Variants in RCAN2 observed in about 807,000 individuals in gnomAD.
The protein encoded by RCAN2 is regulator of calcineurin 2.
In RCAN2, 9 loss-of-function variants were observed where a neutral mutation model predicts 23.6. The observed-to-expected ratio is 0.38, with a 90% CI of 0.23 to 0.67. The LOEUF is 0.67. Among genes scored for constraint, RCAN2 ranks in the 30% least tolerant of loss-of-function variants. RCAN2 has a pLI of 0.51. For missense variants in RCAN2, 273 were observed against 302.3 expected, an observed-to-expected ratio of 0.90 and a Z score of 0.72; for synonymous variants, 109 against 115.7, an observed-to-expected ratio of 0.94 and a Z score of 0.37.
At chr6:46,251,473 T>A (rs1412979027) in intron 2 of RCAN2, among the ~76,000 whole-genome samples, 1 of 152,120 alleles carries the variant, frequency 6.6e-6, no homozygotes, top group African/African-American at 2.4e-5. Flanking sequence ...AATCCTTGGG[T>A]CTTCTTTGTG....
rs144366128 is a variant in RCAN2, at chr6:46,264,963, C to T, written c.226-16067G>A. On this transcript the variant is annotated intron_variant, in intron 2 of 4. Coordinates refer to ENST00000371374, the MANE Select transcript of RCAN2 (RefSeq NM_001251974.2). ...AACGATCTGCCTAAGGTGGTCAGCTCGTCAGTGACAGAATGCAGATTTCAT... is the reference window on the plus strand; with the variant it reads ...AACGATCTGCCTAAGGTGGTCAGCTTGTCAGTGACAGAATGCAGATTTCAT... Among the ~76,000 whole-genome samples the T allele has an allele frequency of 2.9e-3, 445 of 152,298 alleles. 4 individuals are homozygous for T. The highest frequency in any genetic ancestry group is 9.9e-3 in the African/African-American group (413 of 41,556).
intron 2 of RCAN2, among the ~76,000 whole-genome samples, chr6:46,420,544 CTTT>C (rs965214233): frequency 2.9e-5 from 4 of 138,522 alleles, no homozygotes; most frequent in Admixed American, 7.3e-5. Flanking sequence ...TTCTGATTAA[CTTT>C]TTTTTTTTTT....
At chr6:46,383,122 ACAT>A (rs1373833696) in intron 2 of RCAN2, among the ~76,000 whole-genome samples, 2 of 151,954 alleles carry the variant, frequency 1.3e-5, no homozygotes, top group Non-Finnish European at 2.9e-5. Context: ...TAGAGATAAA[ACAT>A]CAGGAGAGTT....
intron 2 of RCAN2, among the ~76,000 whole-genome samples, chr6:46,269,921 G>A (rs898160535): frequency 6.6e-6 from 1 of 152,178 alleles, no homozygotes; most frequent in Non-Finnish European, 1.5e-5. Context: ...GTCACAGGTC[G>A]AGAGCTATCC....
intron 2 of RCAN2, among the ~76,000 whole-genome samples, chr6:46,412,310 T>TC (rs2150408317): frequency 6.6e-6 from 1 of 152,308 alleles, no homozygotes; most frequent in Non-Finnish European, 1.5e-5. Context: ...GTCTGTTTTG[T>TC]CCTTATTAAG....
chr6:46,243,058 A>G (rs1399688498), intron 4 of RCAN2, among the ~76,000 whole-genome samples: 1 of 152,200 alleles, frequency 6.6e-6, no homozygotes, highest in African/African-American at 2.4e-5. Flanking sequence ...AAGTGACAGG[A>G]GGAGACTGAA....
intron 2 of RCAN2, among the ~76,000 whole-genome samples, chr6:46,411,239 C>T (rs1766542673): frequency 6.6e-6 from 1 of 152,152 alleles, no homozygotes; most frequent in Non-Finnish European, 1.5e-5. Flanking sequence ...ACCCTGAAGA[C>T]ATTATGCTAA....
chr6:46,474,632 A>C (rs1378651975), intron 1 of RCAN2, among the ~76,000 whole-genome samples: 1 of 151,834 alleles, frequency 6.6e-6, no homozygotes, highest in Non-Finnish European at 1.5e-5. Context: ...ATTAGGAAAA[A>C]CCTCCTCACA....
intron 2 of RCAN2, among the ~76,000 whole-genome samples, chr6:46,449,994 C>T (rs1341277926): frequency 6.6e-6 from 1 of 151,668 alleles, no homozygotes; most frequent in Non-Finnish European, 1.5e-5. Context: ...GGTTTTTGCA[C>T]AGTAAAGGAA....
intron 2 of RCAN2, among the ~76,000 whole-genome samples, chr6:46,259,525 G>T (rs1767041031): frequency 6.6e-6 from 1 of 152,086 alleles, no homozygotes; most frequent in Non-Finnish European, 1.5e-5. Flanking sequence ...CAAAACATTG[G>T]TTTTTCTATA....
intron 2 of RCAN2, among the ~76,000 whole-genome samples, chr6:46,316,522 C>G (rs545509736): frequency 1.8e-4 from 27 of 152,290 alleles, no homozygotes; most frequent in African/African-American, 6.5e-4. Context: ...GAGGTCATAA[C>G]AGCATCATCC....
At chr6:46,259,364 G>A (rs1767034148) in intron 2 of RCAN2, among the ~76,000 whole-genome samples, 1 of 152,086 alleles carries the variant, frequency 6.6e-6, no homozygotes, top group Non-Finnish European at 1.5e-5. Flanking sequence ...TGCAAATGAG[G>A]GGCTCTAAAG....
chr6:46,408,255 T>C (rs1766456453), intron 2 of RCAN2, among the ~76,000 whole-genome samples: 1 of 152,092 alleles, frequency 6.6e-6, no homozygotes. Flanking sequence ...CAGGTACCTG[T>C]TTACATGTTT....
intron 2 of RCAN2, among the ~76,000 whole-genome samples, chr6:46,351,650 A>G (rs915521028): frequency 1.4e-5 from 2 of 140,440 alleles, no homozygotes; most frequent in African/African-American, 5.2e-5. Context: ...GCTCACAGAC[A>G]GGAAAATAAG....
At chr6:46,244,135 G>A (rs1766425903) in intron 4 of RCAN2, among the ~76,000 whole-genome samples, 2 of 152,122 alleles carry the variant, frequency 1.3e-5, no homozygotes, top group Admixed American at 1.3e-4. Flanking sequence ...CTTCAAAAAT[G>A]GTAGATGGTA....
intron 2 of RCAN2, among the ~76,000 whole-genome samples, chr6:46,388,572 G>C (rs1765835686): frequency 2.0e-5 from 3 of 152,140 alleles, no homozygotes; most frequent in Admixed American, 1.3e-4. Context: ...TGATAGACTG[G>C]ATAAAGAAAA....
chr6:46,420,510 T>C (rs1001990212), intron 2 of RCAN2, among the ~76,000 whole-genome samples: 8 of 152,098 alleles, frequency 5.3e-5, no homozygotes, highest in Non-Finnish European at 1.5e-5. Flanking sequence ...GTCCTGTTAT[T>C]TTTTATAATG....
At chr6:46,229,813 G>C (rs1052987321) in intron 4 of RCAN2, among the ~76,000 whole-genome samples, 3 of 152,166 alleles carry the variant, frequency 2.0e-5, no homozygotes. Context: ...TTGTTCCATT[G>C]CTGGTGAGGA....
chr6:46,468,805 A>T (rs1478322077), intron 1 of RCAN2: 2 of 985,026 alleles, frequency 2.0e-6, no homozygotes, highest in African/African-American at 3.5e-5. Context: ...CTCACCTTTA[A>T]TCAGCACTTT....
Sources: allele counts gnomAD v4.1 joint callset (sites outside exome capture counted in the v4.1 genomes callset), GRCh38; gene constraint gnomAD v4.1.1; transcripts MANE v1.5; gene names NCBI Gene and HGNC (gene_info 2026-07-23, HGNC 2026-07-21).